BICD1: variants seen among roughly 807,000 people sequenced by gnomAD.
BICD1 encodes the protein protein bicaudal D homolog 1.
Under a neutral mutation model 92.5 loss-of-function variants are expected in BICD1, and 35 were observed. The observed-to-expected ratio is 0.38, with a 90% confidence interval of 0.29 to 0.50. The LOEUF is 0.50. Ranked by LOEUF, BICD1 falls within the 20% of genes least tolerant of loss-of-function variation. The probability of loss-of-function intolerance (pLI) is 0.93; values close to 1 mark genes in which losing one functional copy is unlikely to be tolerated. For missense variants in BICD1, 950 were observed against 1,189.8 expected (o/e 0.80, Z 2.97); for synonymous variants, 429 against 465.1 (o/e 0.92, Z 1.00).
chr12:32,371,870 G>A (rs953930488), intron 9 of BICD1, among the ~76,000 whole-genome samples: 1 of 152,146 alleles, frequency 6.6e-6, no homozygotes, highest in African/African-American at 2.4e-5. Flanking sequence ...TTACAAGCAT[G>A]AGCCACCACA....
intron 1 of BICD1, among the ~76,000 whole-genome samples, chr12:32,147,628 T>G (rs1943154499): frequency 6.6e-6 from 1 of 152,208 alleles, no homozygotes; most frequent in Non-Finnish European, 1.5e-5. Context: ...TTAAAAAATC[T>G]TTTTCAAGTT....
At chr12:32,180,052 C>A (rs1452215484) in intron 1 of BICD1, among the ~76,000 whole-genome samples, 2 of 151,080 alleles carry the variant, frequency 1.3e-5, no homozygotes, top group African/African-American at 4.9e-5. Context: ...GATTTCCTCG[C>A]AGTAGGTAAA....
intron 1 of BICD1, among the ~76,000 whole-genome samples, chr12:32,137,280 G>T (rs1592357886): frequency 6.6e-6 from 1 of 152,146 alleles, no homozygotes; most frequent in East Asian, 1.9e-4. Context: ...GTAGAGACAG[G>T]GTTTTGCCGT....
At chr12:32,114,627 G>A (rs1317071370) in intron 1 of BICD1, among the ~76,000 whole-genome samples, 3 of 151,982 alleles carry the variant, frequency 2.0e-5, no homozygotes, top group South Asian at 2.1e-4. Flanking sequence ...AGGACAGTCC[G>A]CCTGTTTTGG....
intron 1 of BICD1, among the ~76,000 whole-genome samples, chr12:32,198,325 T>TATG (rs1944789047): frequency 1.1e-5 from 1 of 87,636 alleles, no homozygotes; most frequent in Non-Finnish European, 2.2e-5. Flanking sequence ...ATAATATGCA[T>TATG]CTATCTATAT....
intron 1 of BICD1, among the ~76,000 whole-genome samples, chr12:32,150,020 T>C (rs4931610): frequency 0.84 from 126,707 of 151,730 alleles, 53,093 homozygotes; most frequent in Admixed American, 0.89. Flanking sequence ...AGACCAAAGG[T>C]ACATCTTACA....
chr12:32,270,666 A>G (rs970247098), intron 2 of BICD1, among the ~76,000 whole-genome samples: 6 of 152,266 alleles, frequency 3.9e-5, no homozygotes, highest in Non-Finnish European at 1.5e-5. Context: ...CACCACCCAT[A>G]CACACTGAAT....
At chr12:32,187,389 A>G (rs796980006) in intron 1 of BICD1, among the ~76,000 whole-genome samples, 3 of 152,174 alleles carry the variant, frequency 2.0e-5, no homozygotes, top group African/African-American at 7.2e-5. Flanking sequence ...AAATGAATCT[A>G]TGGGCTGGGC....
rs868089957 is a variant in BICD1, at chr12:32,166,146, A to T, written c.214-50101A>T. Among the ~76,000 whole-genome samples, 8 of 81,394 alleles carry T rather than the reference A, an allele frequency of 9.8e-5. No individual in the cohort carries two copies. In the East Asian group the frequency reaches 1.9e-3, roughly 19 times the overall value. 53.4% of individuals were successfully genotyped at this position (81,394 alleles called of 152,430 possible). On this transcript the variant is annotated intron_variant, in intron 1 of 9. Transcript: ENST00000652176. ...TATTTATTTATTTATTTATTTATTT[A>T]TTTTTTGGAGCCAGCGTTTCGTTCT... is the stretch of plus-strand genomic sequence containing the variant.
chr12:32,130,296 C>T (rs1015072422), intron 1 of BICD1, among the ~76,000 whole-genome samples: 5 of 151,916 alleles, frequency 3.3e-5, no homozygotes, highest in East Asian at 1.9e-4. Context: ...CTCCGCCTCT[C>T]GGGTTCATGC....
chr12:32,145,531 A>G (rs1252042737), intron 1 of BICD1, among the ~76,000 whole-genome samples: 2 of 152,192 alleles, frequency 1.3e-5, no homozygotes, highest in African/African-American at 4.8e-5. Flanking sequence ...AGGAAGGAGG[A>G]GACACTAAAA....
At chr12:32,274,445 A>G (rs953906547) in intron 2 of BICD1, among the ~76,000 whole-genome samples, 1 of 152,214 alleles carries the variant, frequency 6.6e-6, no homozygotes, top group Non-Finnish European at 1.5e-5. Flanking sequence ...TATGAAAGTT[A>G]TTTAAAAGGC....
At chr12:32,284,253 C>G (rs998968657) in intron 2 of BICD1, among the ~76,000 whole-genome samples, 5 of 152,220 alleles carry the variant, frequency 3.3e-5, no homozygotes, top group African/African-American at 4.8e-5. Flanking sequence ...CAGCTTTCTC[C>G]ACCTGGACCA....
At chr12:32,188,793 T>A (rs1944487781) in intron 1 of BICD1, among the ~76,000 whole-genome samples, 1 of 151,796 alleles carries the variant, frequency 6.6e-6, no homozygotes, top group Non-Finnish European at 1.5e-5. Context: ...AGTGGTGCAA[T>A]CTTGGCTCAC....
At chr12:32,272,935 G>A (rs1010587236) in intron 2 of BICD1, among the ~76,000 whole-genome samples, 1 of 152,136 alleles carries the variant, frequency 6.6e-6, no homozygotes, top group East Asian at 1.9e-4. Context: ...AAACCCACAG[G>A]ACTTTATTTG....
rs1206387378 is a variant in BICD1, at chr12:32,308,387, G to A, written c.1005+2265G>A. On this transcript the variant is annotated intron_variant, in intron 4 of 9. Transcript: ENST00000652176. ...AGTTGACAGTCATTCTTAGAGGACA[G>A]CACTTTACTTTCCCATGGAATGGGA... 2.6e-5 allele frequency among the ~76,000 whole-genome samples: 4 copies of A among 152,194 alleles called. No individual in the cohort carries two copies. The East Asian group carries it at 7.7e-4, about 29-fold the overall frequency.
chr12:32,290,401 A>G (rs1947694834), intron 2 of BICD1, among the ~76,000 whole-genome samples: 1 of 152,206 alleles, frequency 6.6e-6, no homozygotes, highest in Admixed American at 6.5e-5. Flanking sequence ...GTTAGGATCT[A>G]TATTCATATT....
At position 32,383,227 on chromosome 12, in the gene BICD1, GAAGTGTTTCCACCTACTGAT is replaced by G. The variant is rs1274576469; in HGVS notation, c.*5603_*5622del. 1 of 152,076 alleles carries G rather than the reference GAAGTGTTTCCACCTACTGAT, an allele frequency of 6.6e-6. No homozygotes were observed. The highest frequency in any genetic ancestry group is 2.4e-5 in the African/African-American group (1 of 41,432). 9.4% of individuals were successfully genotyped at this position (152,076 alleles called of 1,614,324 possible). A position where few individuals can be genotyped will look rare whatever the true frequency, so the allele number is the denominator to read the frequency against. ...TATGCCTTTTGGGGTTAAATGATGT[GAAGTGTTTCCACCTACTGAT>G]AAATACCATATGAAAACACGACTAA... On this transcript the variant is annotated 3_prime_UTR_variant, in exon 10 of 10. Coordinates refer to ENST00000652176, the MANE Select transcript of BICD1 (RefSeq NM_001714.4).
At chr12:32,223,946 G>A (rs778742451) in intron 2 of BICD1, among the ~76,000 whole-genome samples, 3 of 152,172 alleles carry the variant, frequency 2.0e-5, no homozygotes, top group Non-Finnish European at 4.4e-5. Flanking sequence ...TGTCTTATAT[G>A]GATGTGGTTC....
Sources: gnomAD v4.1 joint callset for allele counts (sites outside exome capture counted in the v4.1 genomes callset) on GRCh38, gnomAD v4.1.1 for gene constraint, MANE v1.5 for transcripts, NCBI Gene and HGNC (gene_info 2026-07-23, HGNC 2026-07-21) for gene names.